The following DNER variants were observed in gnomAD, a reference collection of about 807,000 sequenced individuals.
DNER encodes the protein delta/notch like EGF repeat containing.
Under a neutral mutation model 78.2 loss-of-function variants are expected in DNER, and 33 were observed. That is an observed-to-expected ratio of 0.42 (90% confidence interval 0.32 to 0.56). The LOEUF (loss-of-function observed/expected upper bound fraction) is 0.56. DNER is among the 20% of genes least tolerant of loss of function. The pLI, the probability that DNER is intolerant of heterozygous loss-of-function variation, is 0.11. For missense variants in DNER, 918 were observed against 975.3 expected (o/e 0.94, Z 0.78); for synonymous variants, 417 against 384.8 (o/e 1.08, Z -0.98).
chr2:229,587,778 C>T (rs1256727661), intron 3 of DNER, among the ~76,000 whole-genome samples: 1 of 152,122 alleles, frequency 6.6e-6, no homozygotes, highest in Non-Finnish European at 1.5e-5. Flanking sequence ...TGCTCCTGGG[C>T]ACCTGCTGAC....
chr2:229,653,832 C>T (rs1698863742), intron 1 of DNER, among the ~76,000 whole-genome samples: 1 of 152,144 alleles, frequency 6.6e-6, no homozygotes, highest in African/African-American at 2.4e-5. Flanking sequence ...AAAGGAAATA[C>T]CCAACATAGG....
intron 1 of DNER, among the ~76,000 whole-genome samples, chr2:229,647,597 A>G (rs970693411): frequency 6.6e-6 from 1 of 152,266 alleles, no homozygotes; most frequent in East Asian, 1.9e-4. Context: ...AGGTTTTTAT[A>G]TAAAGACAGT....
chr2:229,365,556 C>G (rs1387688091), intron 12 of DNER, among the ~76,000 whole-genome samples: 1 of 152,186 alleles, frequency 6.6e-6, no homozygotes, highest in Non-Finnish European at 1.5e-5. Flanking sequence ...CCTTCCTCAC[C>G]CTCCAGAGTA....
intron 1 of DNER, among the ~76,000 whole-genome samples, chr2:229,701,184 T>A (rs929601604): frequency 2.0e-5 from 3 of 152,208 alleles, no homozygotes; most frequent in Admixed American, 1.3e-4. Context: ...TATAATGCCT[T>A]AGCAGTTGGA....
chr2:229,483,982 C>T (rs1321020256), intron 6 of DNER, among the ~76,000 whole-genome samples: 1 of 152,186 alleles, frequency 6.6e-6, no homozygotes, highest in Non-Finnish European at 1.5e-5. Context: ...TTCTCATTAC[C>T]TACAATGATT....
chr2:229,586,712 T>A (rs908960275), intron 3 of DNER: 116 of 985,280 alleles, frequency 1.2e-4, no homozygotes, highest in Non-Finnish European at 1.4e-4. Context: ...CTTTGTCTCC[T>A]TCTCCACCTT....
chr2:229,404,631 A>G (rs76957712), intron 10 of DNER, among the ~76,000 whole-genome samples: 8,039 of 152,268 alleles, frequency 0.053, 260 homozygotes, highest in Middle Eastern at 0.086. Context: ...TGGTAATGCC[A>G]TTTGATGAGC....
chr2:229,586,956 A>G, intron 3 of DNER: 1 of 985,406 alleles, frequency 1.0e-6, no homozygotes, highest in Non-Finnish European at 1.2e-6. Context: ...AACCCCCACA[A>G]GTGAATTCAG....
Position 229,418,782 on chromosome 2 carries a change from G to A in DNER, c.1487-552C>T, listed in dbSNP as rs1021572277. ...TAAAAATACAAAAAATTAGCCAGGC[G>A]TGGTGGCGGGCGCCTGTAATCCCAG... On this transcript the variant is annotated intron_variant, in intron 8 of 12. Transcript: ENST00000341772. Among the ~76,000 whole-genome samples the A allele has an allele frequency of 7.2e-5, 11 of 152,034 alleles. 1 individual carries two copies. The highest frequency in any genetic ancestry group is 1.3e-4 in the Non-Finnish European group (9 of 67,994).
chr2:229,450,885 T>C (rs1480150155), intron 7 of DNER, among the ~76,000 whole-genome samples: 1 of 152,168 alleles, frequency 6.6e-6, no homozygotes, highest in Non-Finnish European at 1.5e-5. Context: ...TAGTCCTTGG[T>C]CACAGCAGCC....
At chr2:229,631,887 C>G (rs1388605775) in intron 1 of DNER, among the ~76,000 whole-genome samples, 3 of 152,162 alleles carry the variant, frequency 2.0e-5, no homozygotes, top group African/African-American at 4.8e-5. Flanking sequence ...AAGAATTAAA[C>G]GAGCTAACAA....
chr2:229,395,697 G>A (rs1019875100), intron 10 of DNER, among the ~76,000 whole-genome samples: 2 of 152,268 alleles, frequency 1.3e-5, no homozygotes, highest in African/African-American at 2.4e-5. Flanking sequence ...TAAGGAGTTC[G>A]AGACTACCCT....
At chr2:229,431,997 G>A (rs564453366) in intron 8 of DNER, among the ~76,000 whole-genome samples, 16 of 152,032 alleles carry the variant, frequency 1.1e-4, no homozygotes, top group Non-Finnish European at 2.2e-4. Flanking sequence ...ATTATCCATT[G>A]TAAAGTGGCC....
At chr2:229,358,785 C>CTAAA (rs1692147795) in intron 12 of DNER, 134 bp from the exon 13 acceptor site, 1 of 693,372 alleles carries the variant, frequency 1.4e-6, no homozygotes, top group South Asian at 2.5e-5. Flanking sequence ...AGCATAGAAA[C>CTAAA]TTTAGACATC....
At chr2:229,667,025 C>T (rs1423678220) in intron 1 of DNER, among the ~76,000 whole-genome samples, 1 of 152,226 alleles carries the variant, frequency 6.6e-6, no homozygotes, top group Non-Finnish European at 1.5e-5. Flanking sequence ...CAGAGGGCCA[C>T]CTGGCATCGC....
chr2:229,509,293 A>G (rs1475161252), intron 6 of DNER, among the ~76,000 whole-genome samples: 3 of 152,254 alleles, frequency 2.0e-5, no homozygotes, highest in African/African-American at 7.2e-5. Flanking sequence ...GACTATTTGT[A>G]AAAGGATCTT....
Position 229,512,914 on chromosome 2 carries a change from T to A in DNER, c.1016A>T (p.Glu339Val), listed in dbSNP as rs1695896353. Residue 339 changes from glutamate to valine, a missense_variant, in exon 6 of 13, where the codon GAG becomes GTG. Transcript: ENST00000341772. Reference protein sequence around the residue: ...PSEATFSCTCEEQYVGTFCEE... With the variant: ...PSEATFSCTCVEQYVGTFCEE... ...ACAGAAAGTACCCACGTACTGCTCC[T>A]CACAGGTACAGGAAAAAGTTGCCTA... 5 of 1,613,934 alleles carry A rather than the reference T, an allele frequency of 3.1e-6. No homozygotes were observed. The highest frequency in any genetic ancestry group is 1.3e-5 in the African/African-American group (1 of 74,914).
intron 5 of DNER, among the ~76,000 whole-genome samples, chr2:229,525,005 T>C (rs1338640109): frequency 6.6e-6 from 1 of 152,220 alleles, no homozygotes; most frequent in Admixed American, 6.5e-5. Context: ...GCCGTCTCCA[T>C]GCATCACTCT....
Position 229,366,963 on chromosome 2 carries a change from C to A in DNER, c.2012G>T (p.Gly671Val). ...ICRISRIEYQ[G>V]SSRPAYEEFY... ...CTCCTCATAGGCTGGCCTGGAAGAA[C>A]CCTGGTATTCAATGCGGCTGATGCG... Residue 671 changes from glycine to valine, a missense_variant, in exon 12 of 13, where the codon GGT becomes GTT. By Grantham distance (109) the Gly-to-Val change is moderately radical. Coordinates refer to ENST00000341772, the MANE Select transcript of DNER (RefSeq NM_139072.4). 1 of 1,614,116 alleles carries A rather than the reference C, an allele frequency of 6.2e-7. No individual in the cohort carries two copies. The highest frequency in any genetic ancestry group is 1.1e-5 in the South Asian group (1 of 91,070).
Sources: gnomAD v4.1 joint callset for allele counts (sites outside exome capture counted in the v4.1 genomes callset) on GRCh38, gnomAD v4.1.1 for gene constraint, MANE v1.5 for transcripts, NCBI Gene and HGNC (gene_info 2026-07-23, HGNC 2026-07-21) for gene names.